The following BIVM variants were observed in gnomAD, a reference collection of about 807,000 sequenced individuals.
The protein encoded by BIVM is basic, immunoglobulin-like variable motif containing.
BIVM carries 31 observed loss-of-function variants against 61.4 expected under a neutral mutation model. The observed-to-expected ratio is 0.51, with a 90% CI of 0.38 to 0.68. The LOEUF (loss-of-function observed/expected upper bound fraction) is 0.68. Ranked by LOEUF, BIVM falls within the 30% of genes least tolerant of loss-of-function variation. BIVM has a pLI of 0.00. For missense variants in BIVM, 526 were observed against 596.0 expected (o/e 0.88, Z 1.22); for synonymous variants, 189 against 210.7 (o/e 0.90, Z 0.89).
chr13:102,799,751 C>T (rs1257733321), intron 1 of BIVM, among the ~76,000 whole-genome samples: 3 of 152,238 alleles, frequency 2.0e-5, no homozygotes, highest in African/African-American at 7.2e-5. Flanking sequence ...TGGGTGCGCG[C>T]TCTCCCGGGA....
intron 6 of BIVM, 44 bp from the exon 7 acceptor site, chr13:102,822,021 G>A: frequency 6.2e-7 from 1 of 1,601,962 alleles, no homozygotes; most frequent in Non-Finnish European, 8.5e-7. Context: ...TGCCATCTTT[G>A]TTGTAGAATT....
intron 7 of BIVM, among the ~76,000 whole-genome samples, chr13:102,824,347 C>T (rs1177829049): frequency 1.3e-5 from 2 of 152,190 alleles, no homozygotes; most frequent in Non-Finnish European, 2.9e-5. Flanking sequence ...AGCATCCACA[C>T]TCAATCCACA....
At chr13:102,805,775 ATCT>A (rs112080893) in intron 2 of BIVM, among the ~76,000 whole-genome samples, 7,938 of 152,288 alleles carry the variant, frequency 0.052, 225 homozygotes, top group East Asian at 0.099. Flanking sequence ...CTTTGTGACG[ATCT>A]TCTTTTACTC....
At chr13:102,826,766 G>T (rs187015723) in intron 7 of BIVM, among the ~76,000 whole-genome samples, 116 of 152,186 alleles carry the variant, frequency 7.6e-4, no homozygotes, top group African/African-American at 2.7e-3. Flanking sequence ...GTAGTTAATG[G>T]CTTTTTCTAT....
chr13:102,823,901 G>T (rs1880467939), intron 7 of BIVM, among the ~76,000 whole-genome samples: 1 of 151,984 alleles, frequency 6.6e-6, no homozygotes, highest in South Asian at 2.1e-4. Flanking sequence ...TGTAATGTAG[G>T]AAATGTGTAT....
chr13:102,807,331 A>G lies in BIVM; in HGVS notation c.64A>G (p.Arg22Gly). Residue 22 changes from arginine (R) to glycine (G), a missense_variant, in exon 3 of 11, where the codon AGA becomes GGA. By Grantham distance (125) the Arg-to-Gly change is moderately radical. Transcript: ENST00000257336. The surrounding 1 kb of genome is among the most constrained non-coding windows in gnomAD (Gnocchi z 4.0). ...TGGAAATGGTGAGCACAAATCTGAG[A>G]GAAAGTCACCTGAAGAGAATCTACA... ...DSGNGEHKSE[R>G]KSPEENLQGA... 1 of 1,614,176 alleles carries G rather than the reference A, an allele frequency of 6.2e-7. No homozygotes were observed.
At chr13:102,801,423 T>A (rs1410476567) in intron 1 of BIVM, 1 of 152,044 alleles carries the variant, frequency 6.6e-6, no homozygotes, top group African/African-American at 2.4e-5. Context: ...TTTTATTTTT[T>A]ATTTTTTTTT....
chr13:102,839,933 TAGA>T lies in BIVM; in HGVS notation c.*72_*74del, dbSNP rs1881722903. On this transcript the variant is annotated 3_prime_UTR_variant, in exon 11 of 11. Coordinates refer to ENST00000257336, the MANE Select transcript of BIVM (RefSeq NM_017693.4). ...TATATACAGGACTGTATAAAGACAG[TAGA>T]AGATTTTAGTAAGCCTACATTAAAT... is the stretch of plus-strand genomic sequence containing the variant. 11 of 1,449,170 alleles carry T rather than the reference TAGA, an allele frequency of 7.6e-6. No homozygotes were observed. The highest frequency in any genetic ancestry group is 1.0e-5 in the Non-Finnish European group (11 of 1,084,994). 89.8% of individuals were successfully genotyped at this position (1,449,170 alleles called of 1,614,324 possible).
chr13:102,809,952 C>T (rs896129394), intron 3 of BIVM, among the ~76,000 whole-genome samples: 1 of 152,016 alleles, frequency 6.6e-6, no homozygotes, highest in Admixed American at 6.6e-5. Context: ...TGCCCGGCTA[C>T]TTTTTTGTAT....
intron 3 of BIVM, among the ~76,000 whole-genome samples, chr13:102,812,841 G>A (rs570777440): frequency 7.2e-5 from 11 of 152,128 alleles, no homozygotes; most frequent in Non-Finnish European, 1.5e-4. Flanking sequence ...AACAATGGCT[G>A]CCCCCCTGTA....
chr13:102,811,335 A>G (rs1190292501), intron 3 of BIVM, among the ~76,000 whole-genome samples: 1 of 152,112 alleles, frequency 6.6e-6, no homozygotes, highest in Admixed American at 6.5e-5. Flanking sequence ...TTTGAAGGAC[A>G]GTTTTGCTGG....
At chr13:102,802,256 T>G (rs1459454417) in intron 1 of BIVM, among the ~76,000 whole-genome samples, 1 of 152,216 alleles carries the variant, frequency 6.6e-6, no homozygotes, top group East Asian at 1.9e-4. Context: ...CAGTATTGTC[T>G]ATAATGATTC....
At chr13:102,816,701 T>C (rs898983283) in intron 4 of BIVM, 147 bp downstream of exon 4, 1 of 794,918 alleles carries the variant, frequency 1.3e-6, no homozygotes, top group Non-Finnish European at 1.7e-6. Flanking sequence ...ATATTTAAAG[T>C]CACCACAAAT....
intron 9 of BIVM, among the ~76,000 whole-genome samples, chr13:102,837,652 G>A (rs888744718): frequency 6.6e-6 from 1 of 152,188 alleles, no homozygotes; most frequent in African/African-American, 2.4e-5. Context: ...ATCAACCTAA[G>A]TGCCCATCAA....
chr13:102,831,274 G>C (rs1881047766), intron 7 of BIVM, among the ~76,000 whole-genome samples: 1 of 152,196 alleles, frequency 6.6e-6, no homozygotes, highest in South Asian at 2.1e-4. Context: ...GAATACACTA[G>C]GTAAATTTCA....
At chr13:102,832,143 A>T (rs1309884671) in intron 8 of BIVM, among the ~76,000 whole-genome samples, 1 of 152,164 alleles carries the variant, frequency 6.6e-6, no homozygotes, top group Non-Finnish European at 1.5e-5. Flanking sequence ...GAAAATATCC[A>T]TTTAGATACT....
At chr13:102,824,141 A>G (rs1880490760) in intron 7 of BIVM, among the ~76,000 whole-genome samples, 1 of 152,192 alleles carries the variant, frequency 6.6e-6, no homozygotes, top group Admixed American at 6.5e-5. Context: ...GTTTTATAAA[A>G]TGTCTGCCAA....
chr13:102,812,106 T>C (rs1166708038), intron 3 of BIVM, among the ~76,000 whole-genome samples: 3 of 152,174 alleles, frequency 2.0e-5, no homozygotes, highest in African/African-American at 7.2e-5. Context: ...CTCAATTATT[T>C]CAGTTTTCCC....
At chr13:102,830,651 A>G (rs920627806) in intron 7 of BIVM, among the ~76,000 whole-genome samples, 4 of 152,200 alleles carry the variant, frequency 2.6e-5, no homozygotes, top group Admixed American at 6.5e-5. Flanking sequence ...TCTAGCCTCC[A>G]TAAGTTTTGT....
Sources: allele counts gnomAD v4.1 joint callset (sites outside exome capture counted in the v4.1 genomes callset), GRCh38; gene constraint gnomAD v4.1.1; non-coding constraint Gnocchi (gnomAD v3.1); transcripts MANE v1.5; gene names NCBI Gene and HGNC (gene_info 2026-07-23, HGNC 2026-07-21).